The following GRB2 variants were observed in gnomAD, a reference collection of about 807,000 sequenced individuals.
GRB2 encodes the protein growth factor receptor bound protein 2.
GRB2 carries 2 observed loss-of-function variants against 27.4 expected under a neutral mutation model. The observed-to-expected ratio is 0.07, with a 90% CI of 0.03 to 0.23. The LOEUF (loss-of-function observed/expected upper bound fraction) is 0.23. GRB2 is among the 10% of genes least tolerant of loss of function. The pLI is 1.00. For synonymous variants in GRB2, 94 were observed against 99.6 expected, an observed-to-expected ratio of 0.94 and a Z score of 0.33; for missense variants, 102 against 282.4, an observed-to-expected ratio of 0.36 and a Z score of 4.58.
At chr17:75,370,522 T>C (rs2078848803) in intron 2 of GRB2, among the ~76,000 whole-genome samples, 1 of 152,172 alleles carries the variant, frequency 6.6e-6, no homozygotes, top group African/African-American at 2.4e-5. Flanking sequence ...TCAGAACGCG[T>C]CCCTGGAAAT....
Position 75,325,802 on chromosome 17 carries a change from C to T in GRB2, c.299+96G>A, listed in dbSNP as rs1309679360. The T allele has an allele frequency of 3.9e-6, 5 of 1,265,958 alleles. No homozygotes were observed. The African/African-American group carries it at 7.4e-5, about 19-fold the overall frequency. 78.4% of individuals were successfully genotyped at this position (1,265,958 alleles called of 1,614,324 possible). On this transcript the variant is annotated intron_variant, in intron 4 of 5. Coordinates refer to ENST00000316804, the MANE Select transcript of GRB2 (RefSeq NM_002086.5). ...GAAGAAACTGTTTAGGCTAAGCCTC[C>T]ACCATTTTGTGTGTAGCCAGGCACC... is the stretch of plus-strand genomic sequence containing the variant.
At chr17:75,376,446 G>A (rs1567871629) in intron 2 of GRB2, among the ~76,000 whole-genome samples, 1 of 151,156 alleles carries the variant, frequency 6.6e-6, no homozygotes, top group African/African-American at 2.4e-5. Flanking sequence ...TCTTGAATGC[G>A]GGAGGTGGAG....
At chr17:75,385,100 G>T (rs892903931) in intron 2 of GRB2, among the ~76,000 whole-genome samples, 6 of 148,450 alleles carry the variant, frequency 4.0e-5, no homozygotes, top group African/African-American at 1.5e-4. Context: ...AATTATCCAG[G>T]TGTGGTAGTG....
intron 2 of GRB2, among the ~76,000 whole-genome samples, chr17:75,353,456 A>C (rs1045423880): frequency 4.1e-5 from 4 of 98,328 alleles, no homozygotes; most frequent in Non-Finnish European, 1.1e-4. Flanking sequence ...TCGAGTTTCT[A>C]TGCCCTTAAA....
chr17:75,366,251 T>C (rs779023284), intron 2 of GRB2, among the ~76,000 whole-genome samples: 1 of 152,198 alleles, frequency 6.6e-6, no homozygotes, highest in Non-Finnish European at 1.5e-5. Flanking sequence ...GTTTCGATTA[T>C]GTGAGCCAAT....
intron 4 of GRB2, among the ~76,000 whole-genome samples, chr17:75,322,750 C>T (rs1223665566): frequency 6.6e-6 from 1 of 152,178 alleles, no homozygotes; most frequent in Non-Finnish European, 1.5e-5. Context: ...CTCACAGGGT[C>T]TGTCACAGGA....
At chr17:75,391,373 T>A (rs1317868826) in intron 2 of GRB2, among the ~76,000 whole-genome samples, 1 of 152,228 alleles carries the variant, frequency 6.6e-6, no homozygotes, top group East Asian at 1.9e-4. Context: ...AGGATCTTCT[T>A]CCCTAATAAT....
At chr17:75,373,302 A>G (rs2078867978) in intron 2 of GRB2, 1 of 152,236 alleles carries the variant, frequency 6.6e-6, no homozygotes, top group Admixed American at 6.5e-5. Context: ...GGCTGGAGGC[A>G]TGATGTTTGG....
intron 1 of GRB2, chr17:75,394,988 A>C (rs1238196959): frequency 6.6e-6 from 1 of 152,254 alleles, no homozygotes; most frequent in African/African-American, 2.4e-5. Flanking sequence ...CACTGTTTTC[A>C]TACTTGCTAA....
intron 2 of GRB2, among the ~76,000 whole-genome samples, chr17:75,389,564 T>C (rs2078985563): frequency 6.6e-6 from 1 of 151,950 alleles, no homozygotes; most frequent in African/African-American, 2.4e-5. Context: ...TTAAAAGATC[T>C]TGCCGGGCGC....
At chr17:75,321,315 T>C (rs1159983993) in intron 5 of GRB2, among the ~76,000 whole-genome samples, 1 of 151,906 alleles carries the variant, frequency 6.6e-6, no homozygotes, top group African/African-American at 2.4e-5. Flanking sequence ...TAGCTGGGAC[T>C]GCAGGTGTGC....
intron 1 of GRB2, chr17:75,405,157 C>G (rs1158228562): frequency 6.6e-6 from 1 of 152,294 alleles, no homozygotes; most frequent in Admixed American, 6.5e-5. Flanking sequence ...CTCGGGTAGA[C>G]TGACTCGGTC....
At position 75,319,329 on chromosome 17, in the gene GRB2, A is replaced by AC. The variant is rs2078440548; in HGVS notation, c.*1038_*1039insG. The AC allele has an allele frequency of 6.6e-6, 1 of 152,212 alleles. No individual in the cohort carries two copies. The highest frequency in any genetic ancestry group is 6.6e-5 in the Admixed American group (1 of 15,226). 9.4% of individuals were successfully genotyped at this position (152,212 alleles called of 1,614,324 possible). On this transcript the variant is annotated 3_prime_UTR_variant, in exon 6 of 6. Coordinates refer to ENST00000316804, the MANE Select transcript of GRB2 (RefSeq NM_002086.5). ...AACAAAACAAATTAAAAAAAAAAAA[A>AC]AAACACCACTCAGAAGCAACCCTTG...
intron 2 of GRB2, among the ~76,000 whole-genome samples, chr17:75,334,310 A>G (rs1192423619): frequency 1.3e-5 from 2 of 151,954 alleles, no homozygotes; most frequent in Admixed American, 6.6e-5. Flanking sequence ...GGCTGGGACT[A>G]CAGGCGCCTG....
intron 1 of GRB2, among the ~76,000 whole-genome samples, chr17:75,397,172 G>T (rs1185130618): frequency 6.6e-6 from 1 of 152,062 alleles, no homozygotes; most frequent in African/African-American, 2.4e-5. Context: ...ACTCAAAGAG[G>T]AAAGCTTATT....
At chr17:75,337,696 G>A (rs146540484) in intron 2 of GRB2, among the ~76,000 whole-genome samples, 2 of 149,628 alleles carry the variant, frequency 1.3e-5, no homozygotes, top group African/African-American at 2.5e-5. Context: ...TCAGCCTCCC[G>A]AGTAGCTGGG....
chr17:75,324,508 T>TTTTTTTTTTG (rs2078483853), intron 4 of GRB2, among the ~76,000 whole-genome samples: 2 of 15,750 alleles, frequency 1.3e-4, no homozygotes, highest in African/African-American at 3.9e-4. Flanking sequence ...CCGCACCCAG[T>TTTTTTTTTTG]TTTTTTTTTT....
chr17:75,321,499 G>C (rs771781714), intron 5 of GRB2, among the ~76,000 whole-genome samples, 160 bp downstream of exon 5: 13 of 152,066 alleles, frequency 8.5e-5, no homozygotes, highest in Non-Finnish European at 1.9e-4. Flanking sequence ...TCTTTAGTGT[G>C]AATGGAGGGT....
intron 2 of GRB2, among the ~76,000 whole-genome samples, chr17:75,337,388 A>G (rs2078584409): frequency 6.6e-6 from 1 of 151,720 alleles, no homozygotes; most frequent in African/African-American, 2.4e-5. Flanking sequence ...CGGGTTAAAA[A>G]AAAAAAAGAA....
Sources: allele counts gnomAD v4.1 joint callset (sites outside exome capture counted in the v4.1 genomes callset), GRCh38; gene constraint gnomAD v4.1.1; transcripts MANE v1.5; gene names NCBI Gene and HGNC (gene_info 2026-07-23, HGNC 2026-07-21).